The following ELP1 variants were observed in gnomAD, a reference collection of about 807,000 sequenced individuals.
The protein encoded by ELP1 is elongator acetyltransferase complex subunit 1.
Under a neutral mutation model 183.2 loss-of-function variants are expected in ELP1, and 131 were observed. The ratio of observed to expected loss-of-function variants is 0.72; its 90% confidence interval spans 0.62 to 0.83. The LOEUF is 0.83. Ranked by LOEUF, ELP1 falls within the 40% of genes least tolerant of loss-of-function variation. The pLI is 0.00. For missense variants in ELP1, 1,550 were observed against 1,594.9 expected (o/e 0.97, Z 0.48); for synonymous variants, 555 against 569.0 (o/e 0.98, Z 0.35).
At position 108,927,461 on chromosome 9, in the gene ELP1, A is replaced by G. The variant is rs1829857007; in HGVS notation, c.304-8T>C. On this transcript the variant is annotated splice_region_variant and splice_polypyrimidine_tract_variant and intron_variant, in intron 3 of 36. Coordinates refer to ENST00000374647, the MANE Select transcript of ELP1 (RefSeq NM_003640.5). ...ACTCCCAACACACTCCAGCTGAGAC[A>G]GAGAAAATTGAAAAGAGAGATTCAA... 1 of 1,610,564 alleles carries G rather than the reference A, an allele frequency of 6.2e-7. No homozygotes were observed. Among genetic ancestry groups the G allele is most frequent in the Non-Finnish European group, 8.5e-7 (1 of 1,176,914 alleles).
rs775911029 is a variant in ELP1, at chr9:108,891,191, G to T, written c.3160+12C>A. On this transcript the variant is annotated intron_variant, in intron 28 of 36. Coordinates refer to ENST00000374647, the MANE Select transcript of ELP1 (RefSeq NM_003640.5). The stretch of plus-strand genomic sequence containing the variant: ...CCTTTGTAGATGTAAACATATAAAT[G>T]ATTGTACTTACCTGCCAGAGTTCTG... The T allele has an allele frequency of 3.7e-6, 6 of 1,613,104 alleles. No homozygotes were observed. Among genetic ancestry groups the T allele is most frequent in the Non-Finnish European group, 4.2e-6 (5 of 1,179,060 alleles).
At chr9:108,889,220 C>T (rs924164058) in intron 29 of ELP1, 112 bp downstream of exon 29, 1 of 1,017,880 alleles carries the variant, frequency 9.8e-7, no homozygotes, top group African/African-American at 1.6e-5. Flanking sequence ...CAAACACTAT[C>T]TCTGGACTTA....
chr9:108,899,213 T>C (rs1481858424), intron 20 of ELP1, among the ~76,000 whole-genome samples: 3 of 151,904 alleles, frequency 2.0e-5, no homozygotes, highest in South Asian at 2.1e-4. Context: ...AGTGGGAGGA[T>C]TGCTTGAACC....
In ELP1 at chr9:108,867,763, T is replaced by C. The variant is rs886063344; in HGVS notation, c.*1352A>G. 2.0e-5 allele frequency: 3 copies of C among 152,222 alleles called. No individual in the cohort carries two copies. Among genetic ancestry groups the C allele is most frequent in the Admixed American group, 1.3e-4 (2 of 15,274 alleles). The allele number at this position is 152,222 out of a possible 1,614,324, so 9.4% of individuals were successfully genotyped here. ...TTTCTCTTCTTTTTAAAAACTCCTATGAGATTGTGAAAATGTTCAAACATA... is the reference window on the plus strand; with the variant it reads ...TTTCTCTTCTTTTTAAAAACTCCTACGAGATTGTGAAAATGTTCAAACATA... On this transcript the variant is annotated 3_prime_UTR_variant, in exon 37 of 37. Transcript: ENST00000374647.
In ELP1 at chr9:108,930,308, C is replaced by T. The variant is rs150647655; in HGVS notation, c.151-387G>A. On this transcript the variant is annotated intron_variant, in intron 2 of 36. Coordinates refer to ENST00000374647, the MANE Select transcript of ELP1 (RefSeq NM_003640.5). ...ATCAAGGGACCATATCAAAACCAAC[C>T]CACAGAGGTTTTTAAAGTACATATA... Among the ~76,000 whole-genome samples, 1,102 of 152,204 alleles carry T rather than the reference C, an allele frequency of 7.2e-3. 8 individuals are homozygous for T. Among genetic ancestry groups the T allele is most frequent in the Non-Finnish European group, 0.012 (833 of 68,008 alleles).
intron 11 of ELP1, 65 bp from the exon 12 acceptor site, chr9:108,911,245 G>A (rs986528409): frequency 4.9e-5 from 69 of 1,417,876 alleles, no homozygotes; most frequent in Non-Finnish European, 6.4e-5. Context: ...TAAGCCATCT[G>A]AACATCACAG....
intron 35 of ELP1, among the ~76,000 whole-genome samples, chr9:108,875,407 C>G (rs1451492696): frequency 6.6e-6 from 1 of 152,226 alleles, no homozygotes; most frequent in Non-Finnish European, 1.5e-5. Context: ...AAACTGTGCA[C>G]ATGTGCTCCA....
chr9:108,881,087 T>C (rs10816755), intron 31 of ELP1, among the ~76,000 whole-genome samples: 27,500 of 152,184 alleles, frequency 0.18, 3,223 homozygotes, highest in African/African-American at 0.33. Flanking sequence ...TATTCATATG[T>C]TCTCTAAGAA....
At chr9:108,869,487 T>G (rs886493952) in intron 36 of ELP1, among the ~76,000 whole-genome samples, 5 of 152,188 alleles carry the variant, frequency 3.3e-5, no homozygotes, top group African/African-American at 1.2e-4. Context: ...CATGGCTGTA[T>G]ACATTTATTA....
intron 36 of ELP1, among the ~76,000 whole-genome samples, chr9:108,871,316 A>G (rs1205943789): frequency 1.3e-5 from 2 of 152,084 alleles, no homozygotes; most frequent in Admixed American, 6.6e-5. Context: ...GATCACTTCA[A>G]TGTCTTCGGT....
intron 27 of ELP1, among the ~76,000 whole-genome samples, chr9:108,891,965 CAG>C (rs774575464): frequency 2.6e-5 from 4 of 152,102 alleles, no homozygotes; most frequent in Admixed American, 2.0e-4. Flanking sequence ...GTGACTAGAG[CAG>C]AGAGAGTGTG....
At position 108,929,869 on chromosome 9, in the gene ELP1, C is replaced by G. The variant is rs143723093; in HGVS notation, c.203G>C (p.Ser68Thr). The G allele has an allele frequency of 6.2e-7, 1 of 1,613,942 alleles. No individual in the cohort carries two copies. The highest frequency in any genetic ancestry group is 1.7e-5 in the Admixed American group (1 of 60,028). ...GTCCTGAACACCAACAATGCGGCCA[C>G]TTCCATCCTCTGGGAGAAAGCCTTC... Reference protein sequence around the residue: ...VAEGFLPEDGSGRIVGVQDLL... With the variant: ...VAEGFLPEDGTGRIVGVQDLL... The change falls in exon 3 of 37, where the codon AGT becomes ACT. Residue 68 changes from serine to threonine, a missense_variant. By Grantham distance (58) the Ser-to-Thr change is moderately conservative. Transcript: ENST00000374647.
rs1321906641 is a variant in ELP1 at position 108,900,338 on chromosome 9, A to T, written c.2052T>A (p.His684Gln). Reference sequence around the variant, plus strand: ...TCTCCACTTTCCGCAGAACTTCCCCATGGGACACATGATTGCTGCTCAGGC... The same window carrying T: ...TCTCCACTTTCCGCAGAACTTCCCCTTGGGACACATGATTGCTGCTCAGGC... ...QAGLSSNHVS[H>Q]GEVLRKVERG... The change falls in exon 19 of 37, where the codon CAT becomes CAA. Residue 684 changes from histidine (H) to glutamine (Q), a missense_variant. His to Gln is a conservative substitution (Grantham distance 24, BLOSUM62 0). Transcript: ENST00000374647. 5 of 1,614,166 alleles carry T rather than the reference A, an allele frequency of 3.1e-6. No individual in the cohort carries two copies. The highest frequency in any genetic ancestry group is 3.3e-4 in the Middle Eastern group (2 of 6,062).
At chr9:108,933,625 C>T (rs1226126883) in intron 1 of ELP1, among the ~76,000 whole-genome samples, 1 of 152,272 alleles carries the variant, frequency 6.6e-6, no homozygotes, top group Non-Finnish European at 1.5e-5. Flanking sequence ...AATCAAGAGG[C>T]TGGGTTAAGT....
chr9:108,896,826 T>C (rs1210902840), intron 24 of ELP1, 127 bp downstream of exon 24: 3 of 1,095,008 alleles, frequency 2.7e-6, no homozygotes, highest in Non-Finnish European at 4.2e-6. Context: ...GACAAGGGTC[T>C]TAAAATGGCA....
chr9:108,907,936 C>CAG lies in ELP1; in HGVS notation c.1460+367_1460+368dup, dbSNP rs568717985. ...TCTAGATTCTGGGATGGAGCAAAGA[C>CAG]AGAGGCTGCATTAGGTCATCCATGT... On this transcript the variant is annotated intron_variant, in intron 13 of 36. Transcript: ENST00000374647. Among the ~76,000 whole-genome samples, 325 of 152,328 alleles carry CAG rather than the reference C, an allele frequency of 2.1e-3. 1 individual carries two copies. Among genetic ancestry groups the CAG allele is most frequent in the Non-Finnish European group, 3.3e-3 (227 of 68,028 alleles).
chr9:108,923,174 A>G (rs923520766), intron 5 of ELP1, among the ~76,000 whole-genome samples: 1 of 152,196 alleles, frequency 6.6e-6, no homozygotes, highest in East Asian at 1.9e-4. Context: ...GTTCGAGACC[A>G]GCCTGGGCAA....
chr9:108,912,065 G>A (rs1335399576), intron 11 of ELP1, among the ~76,000 whole-genome samples, 199 bp downstream of exon 11: 1 of 152,128 alleles, frequency 6.6e-6, no homozygotes, highest in African/African-American at 2.4e-5. Context: ...CAGTATAACA[G>A]GAAACTGGTG....
At chr9:108,923,045 A>C in intron 5 of ELP1, 118 bp from the exon 6 acceptor site, 1 of 792,980 alleles carries the variant, frequency 1.3e-6, no homozygotes, top group Non-Finnish European at 2.2e-6. Context: ...AACGCCTCTC[A>C]ATAAATTGAC....
Sources: allele counts gnomAD v4.1 joint callset (sites outside exome capture counted in the v4.1 genomes callset), GRCh38; gene constraint gnomAD v4.1.1; transcripts MANE v1.5; gene names NCBI Gene and HGNC (gene_info 2026-07-23, HGNC 2026-07-21).